CRISPLD2: variants seen among roughly 807,000 people sequenced by gnomAD.
CRISPLD2 encodes the protein cysteine-rich secretory protein LCCL domain-containing 2.
Under a neutral mutation model 71.1 loss-of-function variants are expected in CRISPLD2, and 47 were observed. The observed-to-expected ratio is 0.66, with a 90% CI of 0.52 to 0.84. CRISPLD2 has a LOEUF of 0.84. CRISPLD2 is among the 40% of genes least tolerant of loss of function. The pLI is 0.00. For synonymous variants in CRISPLD2, 317 were observed against 250.1 expected (o/e 1.27, Z -2.52); for missense variants, 830 against 651.1 (o/e 1.27, Z -2.99).
intron 14 of CRISPLD2, among the ~76,000 whole-genome samples, chr16:84,900,005 C>A (rs527733166): frequency 6.6e-6 from 1 of 152,118 alleles, no homozygotes; most frequent in Non-Finnish European, 1.5e-5. Context: ...CTTACATCCC[C>A]CAAGGCCTGA....
chr16:84,854,684 C>T (rs1917185267), intron 5 of CRISPLD2, 45 bp from the exon 6 acceptor site: 2 of 1,441,710 alleles, frequency 1.4e-6, no homozygotes, highest in African/African-American at 1.4e-5. Flanking sequence ...CCCGAGGCCT[C>T]ACGTCGTGGT....
intron 6 of CRISPLD2, among the ~76,000 whole-genome samples, chr16:84,856,015 C>T (rs542310804): frequency 6.6e-6 from 1 of 152,194 alleles, no homozygotes; most frequent in East Asian, 1.9e-4. Flanking sequence ...AATTACAGTC[C>T]TCATATCTGC....
chr16:84,877,979 G>C (rs13334565), intron 12 of CRISPLD2, among the ~76,000 whole-genome samples: 3,281 of 151,738 alleles, frequency 0.022, 128 homozygotes, highest in African/African-American at 0.075. Context: ...GGGAGGCCGA[G>C]GCAGGCGGAT....
chr16:84,900,543 AGGCATCAC>A (rs1567707400), intron 14 of CRISPLD2, among the ~76,000 whole-genome samples: 1 of 7,508 alleles, frequency 1.3e-4, no homozygotes, highest in East Asian at 0.019. Flanking sequence ...CAGCGCTGGG[AGGCATCAC>A]ACAGCGCTGG....
chr16:84,881,707 C>T (rs2071570029), intron 13 of CRISPLD2, among the ~76,000 whole-genome samples: 1 of 152,088 alleles, frequency 6.6e-6, no homozygotes, highest in African/African-American at 2.4e-5. Context: ...AACTCCTGGG[C>T]TCGAGCGATC....
intron 14 of CRISPLD2, among the ~76,000 whole-genome samples, chr16:84,902,090 C>T (rs543202768): frequency 4.6e-5 from 7 of 152,114 alleles, no homozygotes; most frequent in African/African-American, 9.6e-5. Flanking sequence ...TGAGCCACCG[C>T]GCCTGGCCCT....
At chr16:84,881,666 A>G (rs1330340736) in intron 13 of CRISPLD2, among the ~76,000 whole-genome samples, 2 of 152,152 alleles carry the variant, frequency 1.3e-5, no homozygotes, top group Non-Finnish European at 2.9e-5. Flanking sequence ...AATAGAGGCA[A>G]GGTCTCACTA....
chr16:84,889,435 GGCCCAGAGTCATTACCCTTTAAA>G (rs2071642023), intron 14 of CRISPLD2, 72 bp downstream of exon 14: 7 of 1,497,014 alleles, frequency 4.7e-6, no homozygotes, highest in Non-Finnish European at 5.4e-6. Context: ...CCTGGGAAGA[GGCCCAGAGTCATTACCCTTTAAA>G]ATAAAACTCG....
chr16:84,906,541 G>T, intron 14 of CRISPLD2, 47 bp from the exon 15 acceptor site: 1 of 1,602,878 alleles, frequency 6.2e-7, no homozygotes, highest in East Asian at 2.2e-5. Flanking sequence ...CCTGCAGGAG[G>T]CCCTCCAGAT....
intron 14 of CRISPLD2, among the ~76,000 whole-genome samples, chr16:84,905,718 T>G (rs1393045434): frequency 2.0e-5 from 3 of 150,038 alleles, no homozygotes; most frequent in Non-Finnish European, 4.4e-5. Flanking sequence ...TTTTTTTTTT[T>G]TTTTTTTGGA....
intron 5 of CRISPLD2, 125 bp from the exon 6 acceptor site, chr16:84,854,604 C>T (rs187411654): frequency 1.8e-5 from 13 of 722,570 alleles, no homozygotes; most frequent in East Asian, 1.5e-4. Flanking sequence ...TCCCACAGCA[C>T]ACAACCTTCC....
chr16:84,827,335 C>T lies in CRISPLD2; in HGVS notation c.-75+7202C>T, dbSNP rs1424378180. The stretch of plus-strand genomic sequence containing the variant: ...TGCGACACAAACCAGACCCTGTCAC[C>T]GCCCGACTTCCCTCCCTCGAGGGCC... On this transcript the variant is annotated intron_variant, in intron 1 of 14. Coordinates refer to ENST00000262424, the MANE Select transcript of CRISPLD2 (RefSeq NM_031476.4). Among the ~76,000 whole-genome samples the T allele has an allele frequency of 3.3e-5, 5 of 152,202 alleles. No homozygotes were observed. The South Asian group carries it at 8.3e-4, about 25-fold the overall frequency.
At chr16:84,840,277 C>T (rs1299416323) in intron 2 of CRISPLD2, among the ~76,000 whole-genome samples, 2 of 152,292 alleles carry the variant, frequency 1.3e-5, no homozygotes, top group Non-Finnish European at 2.9e-5. Context: ...GTGGCTATTA[C>T]GTGCCACGTG....
intron 14 of CRISPLD2, among the ~76,000 whole-genome samples, chr16:84,899,919 G>A (rs1371468113): frequency 6.6e-6 from 1 of 152,162 alleles, no homozygotes; most frequent in African/African-American, 2.4e-5. Context: ...TGCCCCCCAT[G>A]CAGAATAACC....
chr16:84,896,274 C>T (rs1323340281), intron 14 of CRISPLD2, among the ~76,000 whole-genome samples: 1 of 151,902 alleles, frequency 6.6e-6, no homozygotes, highest in Non-Finnish European at 1.5e-5. Context: ...GTCTCGAATT[C>T]GTGACCTCAA....
Position 84,874,493 on chromosome 16 carries a change from C to T in CRISPLD2, c.1156+530C>T, listed in dbSNP as rs77843874. ...GGGATGCACGATGGGCGAGCACACT[C>T]CAACCAGAAGTGAAGGGATGGATCA... is the stretch of plus-strand genomic sequence containing the variant. On this transcript the variant is annotated intron_variant, in intron 11 of 14. Transcript: ENST00000262424. 5.2e-3 allele frequency among the ~76,000 whole-genome samples: 790 copies of T among 152,268 alleles called. 8 individuals are homozygous for T. Among genetic ancestry groups the T allele is most frequent in the African/African-American group, 0.018 (747 of 41,554 alleles).
intron 13 of CRISPLD2, among the ~76,000 whole-genome samples, chr16:84,883,319 T>TGCCTGCGGCTCCC (rs1404335419): frequency 2.0e-5 from 3 of 152,214 alleles, no homozygotes; most frequent in Non-Finnish European, 4.4e-5. Context: ...GGCCTGTTCC[T>TGCCTGCGGCTCCC]GCCTGCGGCT....
chr16:84,848,351 G>A (rs146451281), intron 3 of CRISPLD2, among the ~76,000 whole-genome samples: 37 of 152,182 alleles, frequency 2.4e-4, no homozygotes, highest in African/African-American at 8.4e-4. Context: ...CCTTAAAAAT[G>A]GTCATTTCCC....
chr16:84,857,148 A>G (rs1917261975), intron 6 of CRISPLD2, among the ~76,000 whole-genome samples: 1 of 152,208 alleles, frequency 6.6e-6, no homozygotes. Context: ...AGCAGTGGCC[A>G]TAGCCAGGTC....
Sources: gnomAD v4.1 joint callset for allele counts (sites outside exome capture counted in the v4.1 genomes callset) on GRCh38, gnomAD v4.1.1 for gene constraint, MANE v1.5 for transcripts, NCBI Gene and HGNC (gene_info 2026-07-23, HGNC 2026-07-21) for gene names.